NXPH4: variants seen among roughly 807,000 people sequenced by gnomAD.
The protein encoded by NXPH4 is neurexophilin 4.
Under a neutral mutation model 21.3 loss-of-function variants are expected in NXPH4, and 8 were observed. That is an observed-to-expected ratio of 0.38 (90% confidence interval 0.22 to 0.68). The LOEUF (loss-of-function observed/expected upper bound fraction) is 0.68, where lower values mean the gene tolerates loss of function less well. Among genes scored for constraint, NXPH4 ranks in the 30% least tolerant of loss-of-function variants. The pLI is 0.53. For synonymous variants in NXPH4, 219 were observed against 192.6 expected (o/e 1.14, Z -1.13); for missense variants, 418 against 416.8 (o/e 1.00, Z -0.03).
Position 57,225,035 on chromosome 12 carries a change from AC to A in NXPH4, c.217del (p.His73ThrfsTer52). ...GRAWSWAWPT[N>X]HTGALARAGA... is the part of the protein sequence containing the mutation. ...GCCTGGAGCTGGGCCTGGCCGACCA[AC>A]CACACGGGGGCGCTGGCCCGGGCAG... On this transcript the variant is annotated frameshift_variant, in exon 2 of 2. Coordinates refer to ENST00000349394, the MANE Select transcript of NXPH4 (RefSeq NM_007224.4). LOFTEE classifies it high-confidence loss of function. 1 of 1,486,270 alleles carries A rather than the reference AC, an allele frequency of 6.7e-7. No homozygotes were observed. Among genetic ancestry groups the A allele is most frequent in the Non-Finnish European group, 9.0e-7 (1 of 1,116,426 alleles). 92.1% of individuals were successfully genotyped at this position (1,486,270 alleles called of 1,614,324 possible).
chr12:57,225,425 CCGGGCTT>C lies in NXPH4; in HGVS notation c.606_612del (p.Leu204AlafsTer170). 1.9e-6 allele frequency: 3 copies of C among 1,603,084 alleles called. No individual in the cohort carries two copies. Among genetic ancestry groups the C allele is most frequent in the Non-Finnish European group, 2.5e-6 (3 of 1,177,484 alleles). Reference sequence around the variant, plus strand: ...GGGATGGCAGCAGCAGCGGCGGGGCCCGGGCTTGGGGGCTCCCTCGGGGGCGCACTGG... The same window carrying C: ...GGGATGGCAGCAGCAGCGGCGGGGCCGGGGGCTCCCTCGGGGGCGCACTGG... On this transcript the variant is annotated frameshift_variant, in exon 2 of 2. Coordinates refer to ENST00000349394, the MANE Select transcript of NXPH4 (RefSeq NM_007224.4). LOFTEE classifies it high-confidence loss of function.
chr12:57,220,717 C>T (rs1375105919), intron 1 of NXPH4, among the ~76,000 whole-genome samples: 1 of 152,136 alleles, frequency 6.6e-6, no homozygotes, highest in East Asian at 1.9e-4. Flanking sequence ...GCTCCTCTCC[C>T]ATACCTGTCC....
At chr12:57,220,308 CCCGCTCCG>C (rs1325279851) in intron 1 of NXPH4, among the ~76,000 whole-genome samples, 1 of 152,172 alleles carries the variant, frequency 6.6e-6, no homozygotes, top group Non-Finnish European at 1.5e-5. Flanking sequence ...AAATTACATC[CCCGCTCCG>C]CGGCTCCCCC....
chr12:57,221,027 C>T (rs1017468070), intron 1 of NXPH4, among the ~76,000 whole-genome samples: 1 of 152,144 alleles, frequency 6.6e-6, no homozygotes, highest in African/African-American at 2.4e-5. Context: ...CTGCCCCACG[C>T]CTGGCCACCA....
chr12:57,224,783 C>T (rs2037124904), intron 1 of NXPH4, 95 bp from the exon 2 acceptor site: 2 of 485,840 alleles, frequency 4.1e-6, no homozygotes, highest in South Asian at 1.2e-4. Flanking sequence ...ATTTGGTCTC[C>T]TAGCGGCTGT....
intron 1 of NXPH4, among the ~76,000 whole-genome samples, chr12:57,218,279 T>C (rs1341551702): frequency 6.6e-6 from 1 of 152,224 alleles, no homozygotes; most frequent in African/African-American, 2.4e-5. Flanking sequence ...TAGAGCTCCC[T>C]GGCCCTCCCA....
At chr12:57,221,188 C>T in intron 1 of NXPH4, 1 of 377,456 alleles carries the variant, frequency 2.6e-6, no homozygotes, top group South Asian at 1.9e-5. Flanking sequence ...CACCCCACCT[C>T]TCTCCTCACC....
At chr12:57,220,544 G>A (rs929986247) in intron 1 of NXPH4, among the ~76,000 whole-genome samples, 3 of 152,232 alleles carry the variant, frequency 2.0e-5, no homozygotes, top group Non-Finnish European at 2.9e-5. Context: ...GCAGGCAGGG[G>A]TAGAGGGAGG....
chr12:57,219,442 G>GTCACTAA (rs1300450617), intron 1 of NXPH4, among the ~76,000 whole-genome samples: 4 of 152,318 alleles, frequency 2.6e-5, no homozygotes, highest in East Asian at 3.9e-4. Flanking sequence ...GCGATCAATA[G>GTCACTAA]TCACTAATCA....
intron 1 of NXPH4, among the ~76,000 whole-genome samples, chr12:57,217,435 A>G (rs921103903): frequency 2.6e-4 from 40 of 151,386 alleles, no homozygotes; most frequent in African/African-American, 9.7e-4. Flanking sequence ...CCGCCTTCCC[A>G]TTTCTCTTCT....
In NXPH4 at chr12:57,225,516, T is replaced by C; in HGVS notation, c.696T>C (p.Asn232=). ...VPGAKESRAF[N]CHVEYEKTNR... is the part of the protein sequence containing the mutation. ...GGGCCAAAGAGTCACGCGCTTTCAA[T>C]TGCCACGTGGAGTATGAGAAGACAA... The change falls in exon 2 of 2, where the codon AAT becomes AAC. Residue 232 remains asparagine, a synonymous_variant. Coordinates refer to ENST00000349394, the MANE Select transcript of NXPH4 (RefSeq NM_007224.4). 6.2e-7 allele frequency: 1 copy of C among 1,612,148 alleles called. No homozygotes were observed. The highest frequency in any genetic ancestry group is 1.1e-5 in the South Asian group (1 of 91,026).
At position 57,225,470 on chromosome 12, in the gene NXPH4, G is replaced by T; in HGVS notation, c.650G>T (p.Gly217Val). Residue 217 changes from glycine to valine, a missense_variant, in exon 2 of 2, where the codon GGG becomes GTG. Gly to Val is a moderately radical substitution (Grantham distance 109, BLOSUM62 -3). Transcript: ENST00000349394. ...SLGGALAGPLGGALGVPGAKE... is the reference protein window; with the variant it reads ...SLGGALAGPLVGALGVPGAKE... The stretch of plus-strand genomic sequence containing the variant: ...GGGGGCGCACTGGCGGGGCCGCTTG[G>T]GGGCGCGTTGGGAGTGCCTGGGGCC... 6.2e-7 allele frequency: 1 copy of T among 1,600,242 alleles called. No homozygotes were observed. Among genetic ancestry groups the T allele is most frequent in the East Asian group, 2.2e-5 (1 of 44,546 alleles).
chr12:57,225,991 C>G lies in NXPH4; in HGVS notation c.*244C>G. On this transcript the variant is annotated 3_prime_UTR_variant, in exon 2 of 2. Coordinates refer to ENST00000349394, the MANE Select transcript of NXPH4 (RefSeq NM_007224.4). ...AAGTGAAAGGGATAAGAGTGCAGCC[C>G]CAGAATAGGCGGGGCTTGGAGGCGG... 7.5e-7 allele frequency: 1 copy of G among 1,337,222 alleles called. No individual in the cohort carries two copies. The highest frequency in any genetic ancestry group is 9.7e-7 in the Non-Finnish European group (1 of 1,026,828). The allele number at this position is 1,337,222 out of a possible 1,614,324, so 82.8% of individuals were successfully genotyped here. A position where few individuals can be genotyped will look rare whatever the true frequency, so the allele number is the denominator to read the frequency against.
intron 1 of NXPH4, among the ~76,000 whole-genome samples, chr12:57,220,219 T>C (rs1243686080): frequency 6.6e-6 from 1 of 152,060 alleles, no homozygotes; most frequent in African/African-American, 2.4e-5. Context: ...CGCTGGAAAT[T>C]GGCGCGGCTC....
At chr12:57,221,383 A>G in intron 1 of NXPH4, 1 of 455,758 alleles carries the variant, frequency 2.2e-6, no homozygotes, top group Non-Finnish European at 4.4e-6. Flanking sequence ...GGGAAAAGCA[A>G]CGGGCCAGCC....
At chr12:57,220,282 C>T (rs960791069) in intron 1 of NXPH4, among the ~76,000 whole-genome samples, 7 of 152,098 alleles carry the variant, frequency 4.6e-5, no homozygotes, top group Non-Finnish European at 7.4e-5. Context: ...ACTCCCCCTC[C>T]GGCTCCGGCT....
intron 1 of NXPH4, among the ~76,000 whole-genome samples, chr12:57,219,433 C>T (rs943800967): frequency 2.0e-5 from 3 of 152,162 alleles, no homozygotes; most frequent in African/African-American, 4.8e-5. Flanking sequence ...AAGCAGCAGG[C>T]GATCAATAGT....
chr12:57,221,266 A>C (rs1482897837), intron 1 of NXPH4: 1 of 445,290 alleles, frequency 2.2e-6, no homozygotes, highest in African/African-American at 2.0e-5. Flanking sequence ...GCCTCTTTCT[A>C]GGTGCAGGGG....
intron 1 of NXPH4, chr12:57,221,380 G>C (rs926512432): frequency 2.2e-6 from 1 of 455,870 alleles, no homozygotes; most frequent in Non-Finnish European, 4.4e-6. Flanking sequence ...TAGGGGAAAA[G>C]CAACGGGCCA....
Sources: gnomAD v4.1 joint callset for allele counts (sites outside exome capture counted in the v4.1 genomes callset) on GRCh38, gnomAD v4.1.1 for gene constraint, MANE v1.5 for transcripts, NCBI Gene and HGNC (gene_info 2026-07-23, HGNC 2026-07-21) for gene names.